The following ATRX variants were observed in gnomAD, a reference collection of about 807,000 sequenced individuals.
The protein encoded by ATRX is ATRX chromatin remodeler, also known as chromatin remodeler ATRX.
Under a neutral mutation model 172.6 loss-of-function variants are expected in ATRX, and 12 were observed. The observed-to-expected ratio is 0.07, with a 90% CI of 0.04 to 0.11. ATRX has a LOEUF of 0.11. Among genes scored for constraint, ATRX ranks in the 10% least tolerant of loss-of-function variants. The probability of loss-of-function intolerance (pLI) is 1.00; values close to 1 mark genes in which losing one functional copy is unlikely to be tolerated. For synonymous variants in ATRX, 674 were observed against 594.7 expected, an observed-to-expected ratio of 1.13 and a Z score of -1.94; for missense variants, 1,368 against 1,767.4, an observed-to-expected ratio of 0.77 and a Z score of 4.05.
intron 3 of ATRX, 55 bp downstream of exon 3, chrX:77,698,517 CAT>C: frequency 9.4e-7 from 1 of 1,059,140 alleles, no homozygotes; most frequent in South Asian, 1.9e-5. Flanking sequence ...AATCTAAAGA[CAT>C]ATGCTCTACT....
intron 1 of ATRX, among the ~76,000 whole-genome samples, chrX:77,778,448 C>T (rs1173652645): frequency 5.6e-5 from 6 of 106,421 alleles, no homozygotes; most frequent in South Asian, 4.1e-4. Context: ...ATAGGCAGGG[C>T]GCGGTGGCTC....
intron 6 of ATRX, 30 bp from the exon 7 acceptor site, chrX:77,688,957 C>A: frequency 9.5e-7 from 1 of 1,053,830 alleles, no homozygotes; most frequent in South Asian, 1.9e-5. Flanking sequence ...ATTATTCACA[C>A]ATTTATACAC....
intron 30 of ATRX, among the ~76,000 whole-genome samples, chrX:77,539,450 T>C (rs1489275288): frequency 9.0e-6 from 1 of 110,885 alleles, no homozygotes; most frequent in Non-Finnish European, 1.9e-5. Context: ...TTCTGATTTC[T>C]AGTGTACAGG....
chrX:77,710,028 G>C (rs2073032925), intron 2 of ATRX, among the ~76,000 whole-genome samples: 1 of 110,949 alleles, frequency 9.0e-6, no homozygotes, highest in South Asian at 3.8e-4. Context: ...GCCAGGCGCG[G>C]TGGCTCACAC....
intron 2 of ATRX, among the ~76,000 whole-genome samples, chrX:77,714,490 T>C (rs1557163566): frequency 2.7e-5 from 3 of 111,994 alleles, no homozygotes; most frequent in African/African-American, 9.7e-5. Flanking sequence ...ATTAAATTAG[T>C]TATTAGTTAC....
At chrX:77,672,862 A>G (rs782647406) in intron 10 of ATRX, among the ~76,000 whole-genome samples, 33 of 111,858 alleles carry the variant, frequency 3.0e-4, no homozygotes, top group Non-Finnish European at 5.5e-4. Flanking sequence ...AAGAATGCTT[A>G]TTTAGAAAAA....
Position 77,521,333 on chromosome X carries a change from A to T in ATRX, c.7071+70T>A, listed in dbSNP as rs45507999. The T allele has an allele frequency of 1.0e-3, 847 of 843,030 alleles. 7 individuals are homozygous for T. The East Asian group carries it at 0.017, about 17-fold the overall frequency. The allele number at this position is 843,030 out of a possible 1,213,427, so 69.5% of individuals were successfully genotyped here. A position where few individuals can be genotyped will look rare whatever the true frequency, so the allele number is the denominator to read the frequency against. ...TATAAGAAGGAACAATTAAAAATTT[A>T]AAAAAATGGCAGTAGGGGGTGGAGG... On this transcript the variant is annotated intron_variant, in intron 33 of 34. Coordinates refer to ENST00000373344, the MANE Select transcript of ATRX (RefSeq NM_000489.6).
chrX:77,509,918 G>T (rs1246103197), intron 34 of ATRX, among the ~76,000 whole-genome samples: 1 of 75,736 alleles, frequency 1.3e-5, no homozygotes, highest in Non-Finnish European at 2.5e-5. Flanking sequence ...GGGCGGGGGG[G>T]GGGGGCACAT....
chrX:77,591,364 T>C (rs2066243008), intron 26 of ATRX, among the ~76,000 whole-genome samples: 1 of 112,150 alleles, frequency 8.9e-6, no homozygotes, highest in Admixed American at 9.5e-5. Context: ...TTGCCCTTTA[T>C]ATATGCAAAC....
At position 77,716,301 on chromosome X, in the gene ATRX, T is replaced by TA. The variant is rs35192332; in HGVS notation, c.133+829dup. 5.7e-3 allele frequency among the ~76,000 whole-genome samples: 216 copies of TA among 37,852 alleles called. 1 individual carries two copies. The highest frequency in any genetic ancestry group is 6.7e-3 in the African/African-American group (52 of 7,709). 32.9% of individuals were successfully genotyped at this position (37,852 alleles called of 115,157 possible). On this transcript the variant is annotated intron_variant, in intron 2 of 34. Transcript: ENST00000373344. ...GTGACAAAGCAAGACCTCGTCTCTT[T>TA]AAAAAAAAAAAAAAAAAAAAAAATA...
intron 30 of ATRX, among the ~76,000 whole-genome samples, chrX:77,547,064 T>C (rs2064269884): frequency 9.0e-6 from 1 of 110,701 alleles, no homozygotes; most frequent in African/African-American, 3.3e-5. Context: ...AGAATAGATA[T>C]TTTAATTTGC....
At chrX:77,622,390 C>T (rs2067629717) in intron 19 of ATRX, among the ~76,000 whole-genome samples, 1 of 111,157 alleles carries the variant, frequency 9.0e-6, no homozygotes, top group South Asian at 3.8e-4. Context: ...TGGAGAAATT[C>T]CTGACTTTAG....
At chrX:77,537,206 T>G (rs1220765098) in intron 30 of ATRX, among the ~76,000 whole-genome samples, 1 of 112,097 alleles carries the variant, frequency 8.9e-6, no homozygotes, top group East Asian at 2.8e-4. Context: ...GTTAACTTGC[T>G]GAACCCTCAG....
At chrX:77,620,356 T>C in intron 20 of ATRX, 39 bp downstream of exon 20, 4 of 1,184,131 alleles carry the variant, frequency 3.4e-6, no homozygotes, top group Non-Finnish European at 4.6e-6. Context: ...TCTGAGGAAA[T>C]ACCAATATTC....
At position 77,633,196 on chromosome X, in the gene ATRX, T is replaced by G. The variant is rs2068190013; in HGVS notation, c.5134+11A>C. The G allele has an allele frequency of 8.3e-7, 1 of 1,202,188 alleles. No homozygotes were observed. The highest frequency in any genetic ancestry group is 1.8e-5 in the African/African-American group (1 of 57,137). On this transcript the variant is annotated intron_variant, in intron 19 of 34. Coordinates refer to ENST00000373344, the MANE Select transcript of ATRX (RefSeq NM_000489.6). ...CTTGCTTCTTTATGTCACTGTCTAT[T>G]AATACCTTACCTGGATCAACCAAAG...
chrX:77,784,098 T>G (rs1369209859), intron 1 of ATRX, among the ~76,000 whole-genome samples: 1 of 112,166 alleles, frequency 8.9e-6, no homozygotes, highest in African/African-American at 3.2e-5. Flanking sequence ...AAGGGGGCAT[T>G]AATGCCTTGT....
intron 22 of ATRX, among the ~76,000 whole-genome samples, chrX:77,612,998 A>G (rs1260400535): frequency 1.8e-5 from 2 of 111,740 alleles, no homozygotes; most frequent in Non-Finnish European, 3.8e-5. Context: ...TCATCCATCA[A>G]TGGACATTTG....
At chrX:77,615,723 T>G (rs2067327370) in intron 22 of ATRX, among the ~76,000 whole-genome samples, 1 of 111,450 alleles carries the variant, frequency 9.0e-6, no homozygotes, top group African/African-American at 3.3e-5. Flanking sequence ...TTGAGAACCA[T>G]CATATTTTAC....
intron 15 of ATRX, among the ~76,000 whole-genome samples, chrX:77,637,813 C>T (rs1481047625): frequency 6.6e-5 from 7 of 106,508 alleles, no homozygotes; most frequent in African/African-American, 2.4e-4. Context: ...TGGTGGCGGG[C>T]GCCTGTAATC....
Sources: allele counts gnomAD v4.1 joint callset (sites outside exome capture counted in the v4.1 genomes callset), GRCh38; gene constraint gnomAD v4.1.1; transcripts MANE v1.5; gene names NCBI Gene and HGNC (gene_info 2026-07-23, HGNC 2026-07-21).